The following OSBPL10 variants were observed in gnomAD, a reference collection of about 807,000 sequenced individuals.
OSBPL10 encodes oxysterol-binding protein-related protein 10.
OSBPL10 carries 49 observed loss-of-function variants against 81.7 expected under a neutral mutation model. The observed-to-expected ratio is 0.60, with a 90% CI of 0.48 to 0.76. The LOEUF (loss-of-function observed/expected upper bound fraction) is 0.76. Among genes scored for constraint, OSBPL10 ranks in the 30% least tolerant of loss-of-function variants. The pLI is 0.00. For synonymous variants in OSBPL10, 419 were observed against 383.6 expected, an observed-to-expected ratio of 1.09 and a Z score of -1.08; for missense variants, 923 against 987.8, an observed-to-expected ratio of 0.93 and a Z score of 0.88.
chr3:31,731,113 A>G (rs1023710065), intron 6 of OSBPL10, among the ~76,000 whole-genome samples: 4 of 152,000 alleles, frequency 2.6e-5, no homozygotes, highest in Admixed American at 2.6e-4. Flanking sequence ...TTTTTTAACT[A>G]TTAAGACAAA....
chr3:31,860,625 T>C (rs979135514), intron 3 of OSBPL10, among the ~76,000 whole-genome samples: 5 of 152,196 alleles, frequency 3.3e-5, no homozygotes, highest in African/African-American at 1.2e-4. Context: ...TCTTTTTAGT[T>C]TCTTCTACTC....
chr3:31,957,481 G>A (rs1698041276), intron 1 of OSBPL10, among the ~76,000 whole-genome samples: 1 of 152,168 alleles, frequency 6.6e-6, no homozygotes, highest in Non-Finnish European at 1.5e-5. Context: ...CTACTCTACT[G>A]TGGCTTATAA....
intron 11 of OSBPL10, chr3:31,662,546 A>C: frequency 9.9e-7 from 1 of 1,005,614 alleles, no homozygotes. Flanking sequence ...CAGTAGTCAC[A>C]AACAAATCAG....
At chr3:31,875,553 TTTA>T (rs1701428893) in intron 3 of OSBPL10, among the ~76,000 whole-genome samples, 1 of 57,256 alleles carries the variant, frequency 1.7e-5, no homozygotes, top group Non-Finnish European at 4.5e-5. Context: ...GGGATGTTTC[TTTA>T]AAAAAAAAAA....
chr3:31,788,973 GGTTTT>G (rs1477068202), intron 4 of OSBPL10, among the ~76,000 whole-genome samples: 42 of 147,652 alleles, frequency 2.8e-4, no homozygotes, highest in African/African-American at 8.4e-4. Context: ...TTTTTTTTTT[GGTTTT>G]GTTTTGTTTT....
At chr3:31,929,340 A>C (rs1255788399) in intron 1 of OSBPL10, among the ~76,000 whole-genome samples, 1 of 152,248 alleles carries the variant, frequency 6.6e-6, no homozygotes, top group Non-Finnish European at 1.5e-5. Context: ...TTAGACAAGA[A>C]AAAAATTTAC....
chr3:32,054,526 C>T (rs370918585), intron 1 of OSBPL10, among the ~76,000 whole-genome samples: 96 of 86,600 alleles, frequency 1.1e-3, no homozygotes, highest in South Asian at 1.4e-3. Context: ...TCAATGGTGG[C>T]TTTTTTTTTT....
Position 32,065,697 on chromosome 3 carries a change from C to T in OSBPL10, n.185+11699G>A, listed in dbSNP as rs531649869. Among the ~76,000 whole-genome samples the T allele has an allele frequency of 5.5e-5, 5 of 90,382 alleles. 1 individual carries two copies. The South Asian group carries it at 2.2e-3, about 39-fold the overall frequency. The allele number at this position is 90,382 out of a possible 152,430, so 59.3% of individuals were successfully genotyped here. ...CAGAGTTCAAGACCAGCCTTGCCAA[C>T]ATGGTGAAACTCCATCTCTACAAAA... On this transcript the variant is annotated intron_variant and non_coding_transcript_variant, in intron 1 of 3. Coordinates refer to the OSBPL10 transcript ENST00000479173.
chr3:31,812,973 ATTC>A (rs1223054940), intron 4 of OSBPL10, among the ~76,000 whole-genome samples: 1 of 152,108 alleles, frequency 6.6e-6, no homozygotes, highest in Non-Finnish European at 1.5e-5. Context: ...TACTCCTATA[ATTC>A]TTATTTTATC....
chr3:31,981,210 G>C lies in OSBPL10; in HGVS notation c.-31C>G, dbSNP rs1698833804. 7.3e-7 allele frequency: 1 copy of C among 1,367,474 alleles called. No homozygotes were observed. The highest frequency in any genetic ancestry group is 1.8e-5 in the South Asian group (1 of 56,894). The allele number at this position is 1,367,474 out of a possible 1,614,324, so 84.7% of individuals were successfully genotyped here. A position where few individuals can be genotyped will look rare whatever the true frequency, so the allele number is the denominator to read the frequency against. On this transcript the variant is annotated 5_prime_UTR_variant, in exon 1 of 12. Coordinates refer to ENST00000396556, the MANE Select transcript of OSBPL10 (RefSeq NM_017784.5). This position sits in a 1 kb window ranked among gnomAD's most constrained non-coding sequence, Gnocchi z 4.5. ...GTGGGCGCCCGGGACGCGGGTGCCC[G>C]CCGCGGTGGCGGCCCCGGCACGGCG...
intron 2 of OSBPL10, among the ~76,000 whole-genome samples, chr3:32,043,651 T>C (rs1699595810): frequency 6.6e-6 from 1 of 152,136 alleles, no homozygotes; most frequent in Middle Eastern, 3.2e-3. Context: ...TATCACTCCT[T>C]TCTCCTAAGG....
At chr3:32,041,848 G>A (rs190423854) in intron 2 of OSBPL10, among the ~76,000 whole-genome samples, 232 of 152,080 alleles carry the variant, frequency 1.5e-3, no homozygotes, top group African/African-American at 4.8e-3. Flanking sequence ...TAGTAGAGAC[G>A]GGTGTTTCAC....
chr3:31,806,727 A>G (rs1459960903), intron 4 of OSBPL10, among the ~76,000 whole-genome samples: 1 of 151,858 alleles, frequency 6.6e-6, no homozygotes, highest in Non-Finnish European at 1.5e-5. Context: ...GCTGCTTTAC[A>G]AAGAGTAGTT....
intron 3 of OSBPL10, among the ~76,000 whole-genome samples, chr3:31,854,309 C>G (rs1185423495): frequency 6.6e-6 from 1 of 152,180 alleles, no homozygotes; most frequent in African/African-American, 2.4e-5. Context: ...GCGCCTCACT[C>G]TCCAAGCCCA....
rs773473339 is a variant in OSBPL10, at chr3:31,990,919, A to G, written n.298+55572T>C. 5 of 1,575,144 alleles carry G rather than the reference A, an allele frequency of 3.2e-6. No individual in the cohort carries two copies. In the Admixed American group the frequency reaches 7.4e-5, roughly 23 times the overall value. ...ACATTCACATCGCATTAGACATCAG[A>G]GAATCCATACCGGACAGAAATCTTA... On this transcript the variant is annotated intron_variant and non_coding_transcript_variant, in intron 2 of 3. Transcript: ENST00000479173.
intron 1 of OSBPL10, among the ~76,000 whole-genome samples, chr3:31,931,697 A>G (rs1697253982): frequency 6.6e-6 from 1 of 152,220 alleles, no homozygotes; most frequent in Admixed American, 6.5e-5. Flanking sequence ...TTTATTCTCA[A>G]AACTCTTAGA....
At chr3:31,872,055 GT>G (rs1296286480) in intron 3 of OSBPL10, among the ~76,000 whole-genome samples, 1 of 152,150 alleles carries the variant, frequency 6.6e-6, no homozygotes, top group Non-Finnish European at 1.5e-5. Flanking sequence ...TTCTTTTGTT[GT>G]TTGTGTTTTC....
intron 1 of OSBPL10, among the ~76,000 whole-genome samples, chr3:31,918,181 ATTCAC>A (rs1177333966): frequency 1.3e-5 from 2 of 152,178 alleles, no homozygotes; most frequent in Non-Finnish European, 2.9e-5. Context: ...CACAATGACA[ATTCAC>A]TTAACCTTTA....
intron 2 of OSBPL10, among the ~76,000 whole-genome samples, chr3:32,031,476 TTTC>T (rs1349925354): frequency 1.3e-5 from 2 of 152,122 alleles, no homozygotes; most frequent in Admixed American, 6.5e-5. Context: ...TTTTTTTTTT[TTTC>T]GAGACAGAGT....
Sources: gnomAD v4.1 joint callset for allele counts (sites outside exome capture counted in the v4.1 genomes callset) on GRCh38, gnomAD v4.1.1 for gene constraint, Gnocchi (gnomAD v3.1) non-coding constraint, MANE v1.5 for transcripts, NCBI Gene and HGNC (gene_info 2026-07-23, HGNC 2026-07-21) for gene names.